Variants in NAGA observed in about 807,000 individuals in gnomAD.
NAGA encodes Acetylgalactosaminidase, alpha-N- (alpha-galactosidase B).
A neutral mutation model predicts 45.6 loss-of-function variants in NAGA; 42 were observed. The observed-to-expected ratio is 0.92, with a 90% CI of 0.72 to 1.19. The LOEUF is 1.19. NAGA is among the 50% of genes most tolerant of loss of function. The pLI, the probability that NAGA is intolerant of heterozygous loss-of-function variation, is 0.00. For missense variants in NAGA, 493 were observed against 544.8 expected, an observed-to-expected ratio of 0.90 and a Z score of 0.95; for synonymous variants, 176 against 203.1, an observed-to-expected ratio of 0.87 and a Z score of 1.13.
In NAGA at chr22:42,062,985, G is replaced by T. The variant is rs138546784; in HGVS notation, c.799C>A (p.Arg267=). The change falls in exon 7 of 9, where the codon CGG becomes AGG. Residue 267 remains arginine, a synonymous_variant. Coordinates refer to ENST00000396398, the MANE Select transcript of NAGA (RefSeq NM_000262.3). ...GNFGLSLEQS[R]AQMALWTVLA... ...ACCGTCCACAGGGCCATCTGGGCCC[G>T]GGATTGCTCTAAGCTGAGACCAAAG... 3 of 1,614,224 alleles carry T rather than the reference G, an allele frequency of 1.9e-6. No individual in the cohort carries two copies. The highest frequency in any genetic ancestry group is 2.5e-6 in the Non-Finnish European group (3 of 1,180,040).
chr22:42,061,125 G>T, intron 7 of NAGA, 58 bp from the exon 8 acceptor site: 2 of 1,590,310 alleles, frequency 1.3e-6, no homozygotes, highest in Non-Finnish European at 1.7e-6. Flanking sequence ...ACCTACCATT[G>T]CCTCCCTGGC....
chr22:42,066,846 G>T, intron 4 of NAGA, 42 bp from the exon 5 acceptor site: 6 of 1,570,526 alleles, frequency 3.8e-6, no homozygotes, highest in Non-Finnish European at 4.3e-6. Flanking sequence ...GGAAGTGCAG[G>T]AGGCAGTCTG....
At chr22:42,062,765 C>G in intron 7 of NAGA, 62 bp downstream of exon 7, 1 of 1,578,940 alleles carries the variant, frequency 6.3e-7, no homozygotes, top group South Asian at 1.1e-5. Flanking sequence ...AGGCTGGCAG[C>G]CTTTCTCTCA....
intron 8 of NAGA, 34 bp from the exon 9 acceptor site, chr22:42,060,447 T>C: frequency 6.2e-7 from 1 of 1,611,018 alleles, no homozygotes; most frequent in Non-Finnish European, 8.5e-7. Context: ...AATGCCACCA[T>C]GAGAGTGGCG....
At chr22:42,068,635 T>C (rs1054040975) in intron 1 of NAGA, 61 bp from the exon 2 acceptor site, 1 of 1,600,570 alleles carries the variant, frequency 6.2e-7, no homozygotes. Context: ...CCAGCCCTCA[T>C]CCCACCCCAT....
At chr22:42,068,684 A>G in intron 1 of NAGA, 110 bp from the exon 2 acceptor site, 1 of 1,438,466 alleles carries the variant, frequency 7.0e-7, no homozygotes. Context: ...GCCTGCCTAT[A>G]TATAAGGGAA....
intron 7 of NAGA, 117 bp from the exon 8 acceptor site, chr22:42,061,184 T>C: frequency 1.5e-6 from 2 of 1,343,986 alleles, no homozygotes; most frequent in Non-Finnish European, 2.1e-6. Context: ...GTCACACAGG[T>C]TTAGGGAGGA....
chr22:42,062,712 G>T, intron 7 of NAGA, 115 bp downstream of exon 7: 5 of 1,200,016 alleles, frequency 4.2e-6, no homozygotes, highest in Non-Finnish European at 4.9e-6. Flanking sequence ...CCCTGGTTGG[G>T]GACTGGGCGA....
At chr22:42,060,825 C>A in intron 8 of NAGA, 99 bp downstream of exon 8, 1 of 1,535,374 alleles carries the variant, frequency 6.5e-7, no homozygotes, top group South Asian at 1.1e-5. Context: ...CCTAAGCCCA[C>A]GGCTCAGGGG....
Position 42,060,293 on chromosome 22 carries a change from T to C in NAGA, c.1222A>G (p.Met408Val). Residue 408 changes from methionine (M) to valine (V), a missense_variant, in exon 9 of 9, where the codon ATG (methionine) becomes GTG (valine). Transcript: ENST00000396398. ...WYLYPIKNLEMSQQ is the reference protein window; with the variant it reads ...WYLYPIKNLEVSQQ ...GTCCCAGCTCCTCACTGCTGGGACA[T>C]CTCCAGGTTCTTGATGGGATACAGG... 1 of 1,613,162 alleles carries C rather than the reference T, an allele frequency of 6.2e-7. No homozygotes were observed. Among genetic ancestry groups the C allele is most frequent in the Non-Finnish European group, 8.5e-7 (1 of 1,179,916 alleles).
chr22:42,060,130 C>G lies in NAGA; in HGVS notation c.*149G>C. The stretch of plus-strand genomic sequence containing the variant: ...TTTACGCTTGGACAGGGCATAGAAC[C>G]TGGCCGTGAGATTGCACTTTGGGTA... On this transcript the variant is annotated 3_prime_UTR_variant, in exon 9 of 9. Transcript: ENST00000396398. 1 of 1,067,886 alleles carries G rather than the reference C, an allele frequency of 9.4e-7. No homozygotes were observed. Among genetic ancestry groups the G allele is most frequent in the Non-Finnish European group, 1.4e-6 (1 of 708,332 alleles). 66.2% of individuals were successfully genotyped at this position (1,067,886 alleles called of 1,614,324 possible).
At position 42,060,466 on chromosome 22, in the gene NAGA, A is replaced by ACC. The variant is rs138095593; in HGVS notation, c.1102-55_1102-54dup. On this transcript the variant is annotated intron_variant, in intron 8 of 8. Coordinates refer to ENST00000396398, the MANE Select transcript of NAGA (RefSeq NM_000262.3). Reference sequence around the variant, plus strand: ...CCACCATGAGAGTGGCGGCACAGAGACCCCCCCCGCTAGAGGATGTAGAAG... The same window carrying ACC: ...CCACCATGAGAGTGGCGGCACAGAGACCCCCCCCCCGCTAGAGGATGTAGAAG... The ACC allele has an allele frequency of 2.0e-3, 3,196 of 1,599,286 alleles. 34 individuals carry two copies. The African/African-American group carries it at 0.039, about 19-fold the overall frequency.
rs1251199309 is a variant in NAGA, at chr22:42,065,865, A to T, written c.632T>A (p.Leu211His). ...CTGGATGTCATCATAGTTACGCCAG[A>T]GGTTGCAGATGTCCGCCAGCAGACT... ...NYSLLADICN[L>H]WRNYDDIQDS... Residue 211 changes from leucine (L) to histidine (H), a missense_variant, in exon 6 of 9, where the codon CTC becomes CAC. Transcript: ENST00000396398. 1 of 1,614,156 alleles carries T rather than the reference A, an allele frequency of 6.2e-7. No homozygotes were observed. The highest frequency in any genetic ancestry group is 1.1e-5 in the South Asian group (1 of 91,072).
intron 3 of NAGA, 144 bp from the exon 4 acceptor site, chr22:42,067,434 C>T: frequency 9.7e-7 from 1 of 1,034,680 alleles, no homozygotes; most frequent in Non-Finnish European, 1.5e-6. Flanking sequence ...GGCCTCTGCC[C>T]ATGATGGCCC....
intron 7 of NAGA, among the ~76,000 whole-genome samples, chr22:42,061,578 T>A (rs1300744265): frequency 6.6e-6 from 1 of 152,218 alleles, no homozygotes; most frequent in Non-Finnish European, 1.5e-5. Flanking sequence ...TTACTTCCTC[T>A]GGGCATCACC....
chr22:42,066,517 C>T (rs1017796201), intron 5 of NAGA, among the ~76,000 whole-genome samples, 193 bp downstream of exon 5: 1 of 152,184 alleles, frequency 6.6e-6, no homozygotes, highest in African/African-American at 2.4e-5. Context: ...ACACACCTCT[C>T]TGGGCTGGCT....
In NAGA at chr22:42,061,087, A is replaced by C. The variant is rs373851304; in HGVS notation, c.958-20T>G. ...TTTTTCCTGGGCACAGAAGGTGGCT[A>C]CTGGCTGGGGTCCCTTGCTCAGACA... On this transcript the variant is annotated intron_variant, in intron 7 of 8. Coordinates refer to ENST00000396398, the MANE Select transcript of NAGA (RefSeq NM_000262.3). 101 of 1,613,368 alleles carry C rather than the reference A, an allele frequency of 6.3e-5. No homozygotes were observed. The African/African-American group carries it at 1.2e-3, about 19-fold the overall frequency.
chr22:42,067,320 A>G, intron 3 of NAGA, 30 bp from the exon 4 acceptor site: 2 of 1,613,296 alleles, frequency 1.2e-6, no homozygotes, highest in Non-Finnish European at 1.7e-6. Flanking sequence ...CAGTGGGCTC[A>G]AGCAGGACCC....
At chr22:42,060,760 G>A (rs867372878) in intron 8 of NAGA, among the ~76,000 whole-genome samples, 164 bp downstream of exon 8, 1 of 152,172 alleles carries the variant, frequency 6.6e-6, no homozygotes, top group South Asian at 2.1e-4. Flanking sequence ...TGCAGAGCAC[G>A]GCACTGGCTG....
Sources: allele counts gnomAD v4.1 joint callset (sites outside exome capture counted in the v4.1 genomes callset), GRCh38; gene constraint gnomAD v4.1.1; transcripts MANE v1.5; gene names NCBI Gene and HGNC (gene_info 2026-07-23, HGNC 2026-07-21).